The following CEP126 variants were observed in gnomAD, a reference collection of about 807,000 sequenced individuals.
CEP126 encodes centrosomal protein 126.
In CEP126, 74 loss-of-function variants were observed where a neutral mutation model predicts 107.8. That is an observed-to-expected ratio of 0.69 (90% CI 0.57 to 0.83). The LOEUF (loss-of-function observed/expected upper bound fraction) is 0.83, where lower values mean the gene tolerates loss of function less well. Among genes scored for constraint, CEP126 ranks in the 40% least tolerant of loss-of-function variants. The pLI, the probability that CEP126 is intolerant of heterozygous loss-of-function variation, is 0.00. For synonymous variants in CEP126, 449 were observed against 446.0 expected (o/e 1.01, Z -0.08); for missense variants, 1,237 against 1,281.9 (o/e 0.96, Z 0.53).
intron 10 of CEP126, among the ~76,000 whole-genome samples, chr11:101,995,626 G>A (rs1207009739): frequency 1.3e-5 from 2 of 152,218 alleles, no homozygotes; most frequent in Non-Finnish European, 2.9e-5. Flanking sequence ...AGGAAAGCCA[G>A]TGAAGTAGTC....
At chr11:101,973,859 G>T (rs1405493183) in intron 6 of CEP126, among the ~76,000 whole-genome samples, 1 of 152,034 alleles carries the variant, frequency 6.6e-6, no homozygotes, top group East Asian at 1.9e-4. Flanking sequence ...GCATTCTCCT[G>T]TGAAATGTCT....
chr11:101,930,202 A>T lies in CEP126; in HGVS notation c.248+7442A>T, dbSNP rs1034511139. 8.2e-4 allele frequency among the ~76,000 whole-genome samples: 124 copies of T among 151,596 alleles called. 1 individual carries two copies. The highest frequency in any genetic ancestry group is 8.0e-3 in the Admixed American group (122 of 15,230). On this transcript the variant is annotated intron_variant, in intron 2 of 10. Coordinates refer to ENST00000263468, the MANE Select transcript of CEP126 (RefSeq NM_020802.4). ...GTAGTTGCCCCTTGTATCTCTGGTG[A>T]TTGGTTCCAAGACCCCCAGGGATAC...
intron 2 of CEP126, among the ~76,000 whole-genome samples, chr11:101,937,977 C>A (rs909088804): frequency 6.6e-6 from 1 of 150,734 alleles, no homozygotes; most frequent in African/African-American, 2.4e-5. Context: ...CAAGGTGAAA[C>A]CCCGTCTCTA....
At chr11:101,927,432 T>C (rs898951174) in intron 2 of CEP126, among the ~76,000 whole-genome samples, 8 of 152,316 alleles carry the variant, frequency 5.3e-5, no homozygotes, top group Admixed American at 3.9e-4. Flanking sequence ...CCCCCAATGA[T>C]AACATCTTGC....
chr11:101,970,476 G>C lies in CEP126; in HGVS notation c.2845+6596G>C, dbSNP rs556964083. Among the ~76,000 whole-genome samples, 6 of 152,064 alleles carry C rather than the reference G, an allele frequency of 3.9e-5. No individual in the cohort carries two copies. In the South Asian group the frequency reaches 1.2e-3, roughly 32 times the overall value. On this transcript the variant is annotated intron_variant, in intron 6 of 10. Transcript: ENST00000263468. ...ATTCAGTTTCTTGACATGAGTGGCT[G>C]TGAAATCTGGGTTTGGGTATATAAT... is the stretch of plus-strand genomic sequence containing the variant.
chr11:101,920,459 T>C (rs1055171078), intron 1 of CEP126, among the ~76,000 whole-genome samples: 2 of 152,080 alleles, frequency 1.3e-5, no homozygotes, highest in South Asian at 4.2e-4. Context: ...TGGACCTCCA[T>C]CTTAGCGTAA....
intron 5 of CEP126, among the ~76,000 whole-genome samples, chr11:101,961,380 A>G (rs570725574): frequency 6.6e-6 from 1 of 152,242 alleles, no homozygotes; most frequent in Admixed American, 6.5e-5. Context: ...AATACAATTT[A>G]TAAATAATTA....
intron 6 of CEP126, among the ~76,000 whole-genome samples, chr11:101,974,803 G>C (rs1941174211): frequency 6.6e-6 from 1 of 152,144 alleles, no homozygotes; most frequent in Non-Finnish European, 1.5e-5. Context: ...TTAAGCACAT[G>C]TATGTGAATA....
At position 101,962,146 on chromosome 11, in the gene CEP126, G is replaced by C; in HGVS notation, c.1111G>C (p.Val371Leu). The C allele has an allele frequency of 1.2e-6, 2 of 1,613,038 alleles. No homozygotes were observed. The highest frequency in any genetic ancestry group is 1.7e-6 in the Non-Finnish European group (2 of 1,179,626). ...TNTANNSVPF[V>L]SSPPMFVLDK... is the part of the protein sequence containing the mutation. ...TACTGCTAATAATTCAGTACCCTTT[G>C]TATCTAGCCCACCCATGTTTGTACT... The change falls in exon 6 of 11, where the codon GTA (valine) becomes CTA (leucine). Residue 371 changes from valine (V) to leucine (L), a missense_variant. Val to Leu is a conservative substitution (Grantham distance 32). Around this residue, in one of 3 missense-constraint regions of CEP126, gnomAD observed 1,134 missense variants for 1,150.5 expected, o/e 0.99. Transcript: ENST00000263468.
intron 6 of CEP126, among the ~76,000 whole-genome samples, chr11:101,973,716 C>G (rs973777773): frequency 6.6e-6 from 1 of 152,058 alleles, no homozygotes; most frequent in African/African-American, 2.4e-5. Flanking sequence ...CATAGAAAAA[C>G]TTTAGCCCTA....
At chr11:101,918,530 C>G (rs1940271983) in intron 1 of CEP126, among the ~76,000 whole-genome samples, 1 of 152,026 alleles carries the variant, frequency 6.6e-6, no homozygotes, top group Admixed American at 6.6e-5. Flanking sequence ...AAGGTACTGC[C>G]CCATGCTCAT....
chr11:101,989,153 A>G (rs1483385231), intron 9 of CEP126, among the ~76,000 whole-genome samples: 1 of 152,186 alleles, frequency 6.6e-6, no homozygotes, highest in Non-Finnish European at 1.5e-5. Context: ...CCTGAAATCT[A>G]CTAACCAAAA....
intron 2 of CEP126, among the ~76,000 whole-genome samples, chr11:101,933,810 C>G (rs1042739744): frequency 6.8e-6 from 1 of 146,180 alleles, no homozygotes; most frequent in Non-Finnish European, 1.5e-5. Flanking sequence ...CTTTCACCCC[C>G]GAGACCCCCC....
At position 101,997,574 on chromosome 11, in the gene CEP126, C is replaced by G. The variant is rs1418908616; in HGVS notation, c.3310-25C>G. On this transcript the variant is annotated intron_variant, in intron 10 of 10. Coordinates refer to ENST00000263468, the MANE Select transcript of CEP126 (RefSeq NM_020802.4). ...CAGTGTTTTGGCATGTGTTTGCATG[C>G]TTGTTTCTTCTTTCTGATTTCCAGG... 3 of 1,613,854 alleles carry G rather than the reference C, an allele frequency of 1.9e-6. No individual in the cohort carries two copies. The African/African-American group carries it at 4.0e-5, about 22-fold the overall frequency.
chr11:101,934,961 A>G (rs1940554189), intron 2 of CEP126, among the ~76,000 whole-genome samples: 1 of 152,102 alleles, frequency 6.6e-6, no homozygotes, highest in South Asian at 2.1e-4. Flanking sequence ...GTTTAACCAT[A>G]TAAGAAGATG....
intron 8 of CEP126, among the ~76,000 whole-genome samples, chr11:101,983,658 A>G (rs1413370988): frequency 6.6e-6 from 1 of 152,238 alleles, no homozygotes; most frequent in Admixed American, 6.5e-5. Context: ...GTCATCGCTG[A>G]TGAATATCTG....
At position 101,923,187 on chromosome 11, in the gene CEP126, A is replaced by AG. The variant is rs201360771; in HGVS notation, c.248+427_248+428insG. 4.2e-3 allele frequency among the ~76,000 whole-genome samples: 643 copies of AG among 152,216 alleles called. 10 individuals carry two copies. The highest frequency in any genetic ancestry group is 0.015 in the African/African-American group (614 of 41,556). On this transcript the variant is annotated intron_variant, in intron 2 of 10. Transcript: ENST00000263468. ...ATATCTGCCACTTTTCATTCGTTCA[A>AG]TCTGAAAAATTGGAAAAAATATGAA...
intron 8 of CEP126, among the ~76,000 whole-genome samples, chr11:101,985,646 A>G (rs976924994): frequency 4.6e-5 from 7 of 152,188 alleles, no homozygotes; most frequent in Non-Finnish European, 2.9e-5. Flanking sequence ...AATATCCAAA[A>G]TTCTAAAAAA....
chr11:101,960,315 A>T (rs1042541852), intron 5 of CEP126, among the ~76,000 whole-genome samples: 1 of 152,224 alleles, frequency 6.6e-6, no homozygotes, highest in African/African-American at 2.4e-5. Context: ...GAGATGAAGC[A>T]ATTACAGACC....
Sources: gnomAD v4.1 joint callset for allele counts (sites outside exome capture counted in the v4.1 genomes callset) on GRCh38, gnomAD v4.1.1 for gene constraint, gnomAD v4.1.1 regional missense constraint, MANE v1.5 for transcripts, NCBI Gene and HGNC (gene_info 2026-07-23, HGNC 2026-07-21) for gene names.